The following MRPS9 variants were observed in gnomAD, a reference collection of about 807,000 sequenced individuals.
The protein encoded by MRPS9 is mitochondrial ribosomal protein S9.
A neutral mutation model predicts 59.9 loss-of-function variants in MRPS9; 45 were observed. The ratio of observed to expected loss-of-function variants is 0.75; its 90% CI spans 0.59 to 0.96. The LOEUF (loss-of-function observed/expected upper bound fraction) is 0.96, where lower values mean the gene tolerates loss of function less well. MRPS9 is among the 40% of genes least tolerant of loss of function. MRPS9 has a pLI of 0.00. For synonymous variants in MRPS9, 171 were observed against 166.8 expected (o/e 1.03, Z -0.19); for missense variants, 473 against 481.1 (o/e 0.98, Z 0.16).
chr2:105,048,716 A>G (rs1357469236), intron 1 of MRPS9, among the ~76,000 whole-genome samples: 2 of 151,916 alleles, frequency 1.3e-5, no homozygotes, highest in Admixed American at 6.6e-5. Flanking sequence ...GTGAATACCG[A>G]CAGTGTAAGG....
chr2:105,065,698 A>G (rs539557128), intron 2 of MRPS9, among the ~76,000 whole-genome samples: 19 of 152,340 alleles, frequency 1.2e-4, no homozygotes, highest in African/African-American at 4.6e-4. Flanking sequence ...TGCAATGTTT[A>G]GTGGAAGTAA....
At chr2:105,067,494 A>G (rs1328750463) in intron 2 of MRPS9, among the ~76,000 whole-genome samples, 1 of 152,144 alleles carries the variant, frequency 6.6e-6, no homozygotes, top group African/African-American at 2.4e-5. Flanking sequence ...AGACCTCTTT[A>G]TTGTAAAAGT....
chr2:105,068,759 T>G (rs1409809764), intron 2 of MRPS9, among the ~76,000 whole-genome samples: 1 of 152,232 alleles, frequency 6.6e-6, no homozygotes, highest in African/African-American at 2.4e-5. Flanking sequence ...CTAGGTACAT[T>G]TCTTTTGTAT....
intron 1 of MRPS9, among the ~76,000 whole-genome samples, chr2:105,048,687 A>AT (rs1487918530): frequency 1.3e-5 from 2 of 151,912 alleles, no homozygotes; most frequent in African/African-American, 4.8e-5. Context: ...GATAGGACGT[A>AT]TTTTTACCCA....
intron 2 of MRPS9, among the ~76,000 whole-genome samples, chr2:105,063,760 C>T (rs1336293388): frequency 6.6e-6 from 1 of 152,136 alleles, no homozygotes; most frequent in Non-Finnish European, 1.5e-5. Flanking sequence ...ATTTACATTT[C>T]CCTAGTTGTC....
At chr2:105,049,099 A>C in intron 1 of MRPS9, 72 bp from the exon 2 acceptor site, 1 of 1,067,968 alleles carries the variant, frequency 9.4e-7, no homozygotes, top group Non-Finnish European at 1.4e-6. Flanking sequence ...ATACTATTTT[A>C]TTTAAGGACA....
At chr2:105,072,050 C>T (rs1558757547) in intron 4 of MRPS9, among the ~76,000 whole-genome samples, 3 of 151,908 alleles carry the variant, frequency 2.0e-5, no homozygotes, top group African/African-American at 7.3e-5. Context: ...TTAAGGTTGT[C>T]AAGAAATTGA....
chr2:105,097,206 C>A lies in MRPS9; in HGVS notation c.981C>A (p.Asp327Glu). 6.2e-7 allele frequency: 1 copy of A among 1,606,564 alleles called. No individual in the cohort carries two copies. Among genetic ancestry groups the A allele is most frequent in the Admixed American group, 1.7e-5 (1 of 58,624 alleles). ...TTGTTGACCGGCTGGGAAAGCACGACGTGACCTGCACAGTCTCAGGGGGCG... is the reference window on the plus strand; with the variant it reads ...TTGTTGACCGGCTGGGAAAGCACGAAGTGACCTGCACAGTCTCAGGGGGCG... ...FHFVDRLGKHDVTCTVSGGGR... is the reference protein window; with the variant it reads ...FHFVDRLGKHEVTCTVSGGGR... Residue 327 changes from aspartate to glutamate, a missense_variant, in exon 10 of 11, where the codon GAC (aspartate) becomes GAA (glutamate). Physicochemically the swap from Asp to Glu is conservative, Grantham distance 45. Coordinates refer to ENST00000258455, the MANE Select transcript of MRPS9 (RefSeq NM_182640.3).
intron 2 of MRPS9, among the ~76,000 whole-genome samples, chr2:105,060,158 C>A (rs987696058): frequency 2.0e-5 from 3 of 152,046 alleles, no homozygotes; most frequent in African/African-American, 7.2e-5. Context: ...TGAAGTAGCC[C>A]TATTACCCCA....
At chr2:105,079,016 A>G (rs1344285328) in intron 4 of MRPS9, among the ~76,000 whole-genome samples, 2 of 152,116 alleles carry the variant, frequency 1.3e-5, no homozygotes, top group African/African-American at 4.8e-5. Context: ...TGTGTAGTGT[A>G]TCTGTGGTAT....
chr2:105,086,521 C>A (rs575948334), intron 5 of MRPS9, among the ~76,000 whole-genome samples: 1 of 152,268 alleles, frequency 6.6e-6, no homozygotes, highest in Non-Finnish European at 1.5e-5. Flanking sequence ...AACTTACGTA[C>A]AAGATAGGTT....
intron 2 of MRPS9, among the ~76,000 whole-genome samples, chr2:105,068,212 T>C (rs1680039759): frequency 6.6e-6 from 1 of 151,516 alleles, no homozygotes; most frequent in Non-Finnish European, 1.5e-5. Flanking sequence ...AACTAGGAAA[T>C]AATATTTTTT....
At chr2:105,076,232 A>G (rs1251728858) in intron 4 of MRPS9, among the ~76,000 whole-genome samples, 2 of 152,244 alleles carry the variant, frequency 1.3e-5, no homozygotes, top group Non-Finnish European at 2.9e-5. Context: ...AAAGCATGCC[A>G]CAGTATAGTT....
chr2:105,091,428 T>C, intron 7 of MRPS9: 1 of 470,794 alleles, frequency 2.1e-6, no homozygotes, highest in South Asian at 1.6e-5. Context: ...CCACCCAATA[T>C]CCTAGGTAGC....
At chr2:105,094,720 C>A (rs1366772828) in intron 9 of MRPS9, among the ~76,000 whole-genome samples, 1 of 152,202 alleles carries the variant, frequency 6.6e-6, no homozygotes, top group Admixed American at 6.5e-5. Context: ...ATGGAAGAAG[C>A]TTTTATTTCC....
chr2:105,058,020 G>T (rs1180877257), intron 2 of MRPS9, among the ~76,000 whole-genome samples: 1 of 152,164 alleles, frequency 6.6e-6, no homozygotes, highest in Non-Finnish European at 1.5e-5. Context: ...TCTGAAACCA[G>T]AATGTTTTAT....
chr2:105,041,415 C>A (rs528980311), intron 1 of MRPS9, among the ~76,000 whole-genome samples: 1 of 152,070 alleles, frequency 6.6e-6, no homozygotes. Context: ...AGCCAAGATG[C>A]CTTTGTTGAT....
chr2:105,094,167 T>C (rs1680614542), intron 9 of MRPS9, among the ~76,000 whole-genome samples: 1 of 152,208 alleles, frequency 6.6e-6, no homozygotes, highest in Non-Finnish European at 1.5e-5. Context: ...AATGTGATTA[T>C]ATATATTGAG....
chr2:105,097,278 C>T lies in MRPS9; in HGVS notation c.1053C>T (p.Ala351=), dbSNP rs763024589. 17 of 1,611,984 alleles carry T rather than the reference C, an allele frequency of 1.1e-5. No homozygotes were observed. In the Middle Eastern group the frequency reaches 4.9e-4, roughly 47 times the overall value. ...AGAIRLAMAK[A]LCSFVTEDEV... is the part of the protein sequence containing the mutation. ...CAATACGACTGGCAATGGCAAAAGC[C>T]TTGTGCAGCTTTGTCACCGAGGACG... The change falls in exon 10 of 11, where the codon GCC becomes GCT. Residue 351 remains alanine (A), a synonymous_variant. Transcript: ENST00000258455.
Sources: allele counts gnomAD v4.1 joint callset (sites outside exome capture counted in the v4.1 genomes callset), GRCh38; gene constraint gnomAD v4.1.1; transcripts MANE v1.5; gene names NCBI Gene and HGNC (gene_info 2026-07-23, HGNC 2026-07-21).